RBMS1: variants seen among roughly 807,000 people sequenced by gnomAD.
The protein encoded by RBMS1 is RNA-binding motif, single-stranded-interacting protein 1.
In RBMS1, 17 loss-of-function variants were observed where a neutral mutation model predicts 62.3. The ratio of observed to expected loss-of-function variants is 0.27; its 90% CI spans 0.19 to 0.41. The LOEUF is 0.41. RBMS1 is among the 10% of genes least tolerant of loss of function. The pLI is 1.00. For synonymous variants in RBMS1, 172 were observed against 170.0 expected (o/e 1.01, Z -0.09); for missense variants, 334 against 504.5 (o/e 0.66, Z 3.24).
chr2:160,429,897 T>C (rs367780512), intron 1 of RBMS1, among the ~76,000 whole-genome samples: 2 of 152,366 alleles, frequency 1.3e-5, no homozygotes, highest in South Asian at 4.1e-4. Flanking sequence ...TGTGTGACAG[T>C]AGAATGCAGA....
intron 1 of RBMS1, among the ~76,000 whole-genome samples, chr2:160,383,278 C>T (rs527303724): frequency 1.1e-4 from 16 of 152,254 alleles, no homozygotes; most frequent in African/African-American, 3.9e-4. Flanking sequence ...ATACCAATAT[C>T]AACCTCCATC....
chr2:160,419,332 A>T (rs895904240), intron 1 of RBMS1, among the ~76,000 whole-genome samples: 7 of 152,128 alleles, frequency 4.6e-5, no homozygotes, highest in African/African-American at 1.2e-4. Context: ...CTCCCTTTCT[A>T]TGCCTGTTTG....
rs1690337108 is a variant in RBMS1 at position 160,318,229 on chromosome 2, T to TAAAAAAAACAAAAAAAAAAAACACA, written c.252-3_252-2insTGTGTTTTTTTTTTTTGTTTTTTTT. The TAAAAAAAACAAAAAAAAAAAACACA allele has an allele frequency of 1.0e-6, 1 of 993,498 alleles. No individual in the cohort carries two copies. The highest frequency in any genetic ancestry group is 2.8e-5 in the African/African-American group (1 of 35,696). 61.5% of individuals were successfully genotyped at this position (993,498 alleles called of 1,614,324 possible). On this transcript the variant is annotated splice_polypyrimidine_tract_variant and splice_region_variant and intron_variant, in intron 2 of 13. Transcript: ENST00000348849. ...TTTGTGGAGACTATTTTCCCATATC[T>TAAAAAAAACAAAAAAAAAAAACACA]AAAAAAAAAAAAAAAAAAAAAAAGG...
intron 1 of RBMS1, among the ~76,000 whole-genome samples, chr2:160,407,176 T>C (rs1332651621): frequency 6.6e-6 from 1 of 152,190 alleles, no homozygotes; most frequent in Non-Finnish European, 1.5e-5. Context: ...CCCAAACTTG[T>C]TGCAGAGCTG....
intron 1 of RBMS1, among the ~76,000 whole-genome samples, chr2:160,477,334 G>A (rs139715369): frequency 3.9e-5 from 6 of 152,242 alleles, no homozygotes; most frequent in South Asian, 2.1e-4. Context: ...GCTACAGAGC[G>A]AGACTCTGTT....
intron 2 of RBMS1, among the ~76,000 whole-genome samples, chr2:160,346,522 A>C (rs2106000451): frequency 6.6e-6 from 1 of 152,276 alleles, no homozygotes; most frequent in East Asian, 1.9e-4. Context: ...GTGAACCTAA[A>C]TTGATCTGAG....
At chr2:160,303,266 T>C in intron 5 of RBMS1, 64 bp downstream of exon 5, 4 of 1,461,240 alleles carry the variant, frequency 2.7e-6, no homozygotes, top group Non-Finnish European at 3.7e-6. Context: ...TCATTTTTAA[T>C]TTTCCAAGAT....
chr2:160,475,551 C>T (rs951577939), intron 1 of RBMS1, among the ~76,000 whole-genome samples: 2 of 152,208 alleles, frequency 1.3e-5, no homozygotes, highest in Non-Finnish European at 2.9e-5. Context: ...TTTTGCTGGC[C>T]TCAGAAAATG....
intron 6 of RBMS1, among the ~76,000 whole-genome samples, chr2:160,292,405 C>A (rs184188744): frequency 6.6e-6 from 1 of 152,170 alleles, no homozygotes. Flanking sequence ...TATGGCTCCT[C>A]CTCTTGTTTT....
At chr2:160,389,764 T>C (rs1479117061) in intron 1 of RBMS1, among the ~76,000 whole-genome samples, 1 of 99,564 alleles carries the variant, frequency 1.0e-5, no homozygotes, top group South Asian at 3.4e-4. Context: ...AACAATCACA[T>C]AATGAGGAAT....
intron 1 of RBMS1, among the ~76,000 whole-genome samples, chr2:160,421,387 A>C (rs1231578541): frequency 6.6e-6 from 1 of 151,816 alleles, no homozygotes; most frequent in Non-Finnish European, 1.5e-5. Flanking sequence ...TATGAGTGAG[A>C]ACATGCGGTG....
At chr2:160,406,253 TC>T (rs1402757424) in intron 1 of RBMS1, among the ~76,000 whole-genome samples, 1 of 152,222 alleles carries the variant, frequency 6.6e-6, no homozygotes, top group African/African-American at 2.4e-5. Flanking sequence ...AGAAAACATT[TC>T]TTTTCGACAC....
chr2:160,405,708 G>C (rs965828760), intron 1 of RBMS1, among the ~76,000 whole-genome samples: 10 of 152,172 alleles, frequency 6.6e-5, no homozygotes, highest in Non-Finnish European at 1.5e-4. Context: ...CCTGTGAAAA[G>C]AAGAGCATCT....
chr2:160,380,468 G>A (rs1559475039), intron 1 of RBMS1, among the ~76,000 whole-genome samples: 2 of 152,152 alleles, frequency 1.3e-5, no homozygotes, highest in African/African-American at 2.4e-5. Context: ...GCAGTAGCAT[G>A]GAAACTTCAG....
chr2:160,292,296 T>C (rs1293303135), intron 6 of RBMS1, among the ~76,000 whole-genome samples: 1 of 152,242 alleles, frequency 6.6e-6, no homozygotes, highest in Non-Finnish European at 1.5e-5. Flanking sequence ...ATGATAATAG[T>C]GCCTACTTCA....
intron 1 of RBMS1, among the ~76,000 whole-genome samples, chr2:160,402,676 A>C (rs964180388): frequency 2.6e-5 from 4 of 152,178 alleles, no homozygotes; most frequent in Non-Finnish European, 1.5e-5. Flanking sequence ...AGGCCAAGTA[A>C]AGGGAAGTGT....
At chr2:160,403,729 C>G (rs538241186) in intron 1 of RBMS1, among the ~76,000 whole-genome samples, 1 of 152,240 alleles carries the variant, frequency 6.6e-6, no homozygotes, top group South Asian at 2.1e-4. Context: ...CTCCAAAACC[C>G]TACTGGAAAC....
chr2:160,291,231 G>A (rs1688663092), intron 6 of RBMS1, among the ~76,000 whole-genome samples: 1 of 152,140 alleles, frequency 6.6e-6, no homozygotes, highest in Non-Finnish European at 1.5e-5. Context: ...GCAGTTAACA[G>A]GTGGAGAAAC....
chr2:160,306,665 C>T (rs543468717), intron 4 of RBMS1, among the ~76,000 whole-genome samples: 173 of 150,874 alleles, frequency 1.1e-3, no homozygotes, highest in Non-Finnish European at 1.7e-3. Flanking sequence ...GCAGCACATG[C>T]CACAAAATAA....
Sources: gnomAD v4.1 joint callset for allele counts (sites outside exome capture counted in the v4.1 genomes callset) on GRCh38, gnomAD v4.1.1 for gene constraint, MANE v1.5 for transcripts, NCBI Gene and HGNC (gene_info 2026-07-23, HGNC 2026-07-21) for gene names.